Variants in FNBP1L observed in about 807,000 individuals in gnomAD.
FNBP1L encodes formin binding protein 1 like.
In FNBP1L, 36 loss-of-function variants were observed where a neutral mutation model predicts 91.2. That is an observed-to-expected ratio of 0.39 (90% confidence interval 0.30 to 0.52). FNBP1L has a LOEUF of 0.52. Among genes scored for constraint, FNBP1L ranks in the 20% least tolerant of loss-of-function variants. The pLI, the probability that FNBP1L is intolerant of heterozygous loss-of-function variation, is 0.66. For missense variants in FNBP1L, 571 were observed against 732.1 expected, an observed-to-expected ratio of 0.78 and a Z score of 2.54; for synonymous variants, 242 against 237.0, an observed-to-expected ratio of 1.02 and a Z score of -0.19.
At chr1:93,505,042 T>G (rs937326682) in intron 2 of FNBP1L, among the ~76,000 whole-genome samples, 4 of 151,926 alleles carry the variant, frequency 2.6e-5, no homozygotes, top group African/African-American at 9.7e-5. Context: ...CTTCTCAGTT[T>G]CATAGTTTTA....
intron 1 of FNBP1L, among the ~76,000 whole-genome samples, chr1:93,475,699 TTAACA>T (rs1669470781): frequency 1.3e-5 from 2 of 152,208 alleles, no homozygotes; most frequent in African/African-American, 4.8e-5. Context: ...TAAAAATCAA[TTAACA>T]TAACTTGTAA....
At position 93,551,362 on chromosome 1, in the gene FNBP1L, C is replaced by T. The variant is rs1276425003; in HGVS notation, c.1810+257C>T. On this transcript the variant is annotated intron_variant, in intron 16 of 16. Transcript: ENST00000271234. ...AATTGATGCCTTTTGCTTTATGTCC[C>T]GCTTAAGTCTGTGTGAAGGATTTGT... The T allele has an allele frequency of 2.8e-5, 31 of 1,122,148 alleles. No homozygotes were observed. The Middle Eastern group carries it at 1.1e-3, about 42-fold the overall frequency. The allele number at this position is 1,122,148 out of a possible 1,614,324, so 69.5% of individuals were successfully genotyped here. A position where few individuals can be genotyped will look rare whatever the true frequency, so the allele number is the denominator to read the frequency against.
chr1:93,466,896 C>T (rs113262299), intron 1 of FNBP1L, among the ~76,000 whole-genome samples: 3,451 of 152,230 alleles, frequency 0.023, 146 homozygotes, highest in African/African-American at 0.079. Context: ...CTAGCTCTGT[C>T]GCCCAGACTG....
At chr1:93,450,217 TCTA>T (rs761766000) in intron 1 of FNBP1L, among the ~76,000 whole-genome samples, 5 of 152,170 alleles carry the variant, frequency 3.3e-5, no homozygotes, top group African/African-American at 1.2e-4. Flanking sequence ...ATTCCATTCC[TCTA>T]CTGTCTCCTA....
At chr1:93,491,299 C>T (rs1241789101) in intron 1 of FNBP1L, among the ~76,000 whole-genome samples, 1 of 151,996 alleles carries the variant, frequency 6.6e-6, no homozygotes, top group African/African-American at 2.4e-5. Context: ...TGATTAAAAC[C>T]ATTCCTTGCT....
At chr1:93,547,316 G>T in intron 13 of FNBP1L, 31 bp from the exon 14 acceptor site, 1 of 1,473,780 alleles carries the variant, frequency 6.8e-7, no homozygotes, top group Non-Finnish European at 9.3e-7. Flanking sequence ...TATTTATTGA[G>T]CTCAGTTGTT....
intron 1 of FNBP1L, among the ~76,000 whole-genome samples, chr1:93,475,316 G>C (rs1669453825): frequency 6.6e-6 from 1 of 152,034 alleles, no homozygotes; most frequent in Non-Finnish European, 1.5e-5. Context: ...TCAGCACTTT[G>C]GGAGGCCAAG....
intron 5 of FNBP1L, among the ~76,000 whole-genome samples, chr1:93,526,030 T>A (rs1248126829): frequency 6.6e-6 from 1 of 152,112 alleles, no homozygotes; most frequent in African/African-American, 2.4e-5. Flanking sequence ...TGTAAAGAAC[T>A]GGTGGACAGG....
At chr1:93,545,913 G>A (rs906180629) in intron 12 of FNBP1L, among the ~76,000 whole-genome samples, 1 of 151,872 alleles carries the variant, frequency 6.6e-6, no homozygotes, top group Non-Finnish European at 1.5e-5. Context: ...AAAGTTTAGG[G>A]CAAAGATAAA....
chr1:93,546,667 A>C (rs191881335), intron 12 of FNBP1L, among the ~76,000 whole-genome samples, 175 bp from the exon 13 acceptor site: 1 of 152,238 alleles, frequency 6.6e-6, no homozygotes, highest in East Asian at 1.9e-4. Flanking sequence ...TAGTAACTCT[A>C]TATGTTATCA....
At chr1:93,458,385 C>G (rs1331525396) in intron 1 of FNBP1L, among the ~76,000 whole-genome samples, 1 of 152,142 alleles carries the variant, frequency 6.6e-6, no homozygotes, top group East Asian at 1.9e-4. Flanking sequence ...CTGCCCCAGC[C>G]TCTCAAAGTG....
At chr1:93,541,370 G>A (rs1468571743) in intron 11 of FNBP1L, among the ~76,000 whole-genome samples, 1 of 152,114 alleles carries the variant, frequency 6.6e-6, no homozygotes, top group African/African-American at 2.4e-5. Flanking sequence ...TTGTTATGCA[G>A]AAGGAAAATT....
At chr1:93,470,845 C>T (rs555824249) in intron 1 of FNBP1L, among the ~76,000 whole-genome samples, 1 of 149,310 alleles carries the variant, frequency 6.7e-6, no homozygotes, top group Admixed American at 6.7e-5. Context: ...TGCACTGCAG[C>T]CTGGGTGACA....
At chr1:93,457,195 A>G (rs775927185) in intron 1 of FNBP1L, among the ~76,000 whole-genome samples, 22 of 152,178 alleles carry the variant, frequency 1.4e-4, no homozygotes, top group Non-Finnish European at 3.1e-4. Context: ...TCCAACCACT[A>G]TTCTGAATTG....
At chr1:93,488,879 C>T (rs1342373126) in intron 1 of FNBP1L, among the ~76,000 whole-genome samples, 2 of 152,072 alleles carry the variant, frequency 1.3e-5, no homozygotes, top group African/African-American at 4.8e-5. Flanking sequence ...AGTTGGTGAA[C>T]AAGGAGTTAC....
At chr1:93,550,088 G>A (rs985021192) in intron 15 of FNBP1L, among the ~76,000 whole-genome samples, 11 of 152,130 alleles carry the variant, frequency 7.2e-5, no homozygotes, top group Admixed American at 1.3e-4. Context: ...ATAAATAAAC[G>A]GTTGTAAAAT....
rs541956211 is a variant in FNBP1L, at chr1:93,505,407, G to A, written c.140+5824G>A. 2.0e-5 allele frequency among the ~76,000 whole-genome samples: 3 copies of A among 152,226 alleles called. No homozygotes were observed. The South Asian group carries it at 6.2e-4, about 32-fold the overall frequency. ...GTGTCCAGTTTCCATTGGCTGGAAC[G>A]GGACCTCACCCCGATTGGCTAGCAA... On this transcript the variant is annotated intron_variant, in intron 2 of 16. Transcript: ENST00000271234.
At chr1:93,494,968 C>G (rs534654838) in intron 1 of FNBP1L, among the ~76,000 whole-genome samples, 2 of 152,264 alleles carry the variant, frequency 1.3e-5, no homozygotes, top group South Asian at 4.2e-4. Flanking sequence ...AAAACCTGCC[C>G]CCATGATTCA....
At chr1:93,548,521 T>G (rs182371677) in intron 14 of FNBP1L, among the ~76,000 whole-genome samples, 60 of 152,316 alleles carry the variant, frequency 3.9e-4, no homozygotes, top group Non-Finnish European at 7.4e-4. Context: ...GAGAATCTTT[T>G]AATTTTCAGT....
Sources: gnomAD v4.1 joint callset for allele counts (sites outside exome capture counted in the v4.1 genomes callset) on GRCh38, gnomAD v4.1.1 for gene constraint, MANE v1.5 for transcripts, NCBI Gene and HGNC (gene_info 2026-07-23, HGNC 2026-07-21) for gene names.